Variants in AIG1 observed in about 807,000 individuals in gnomAD.
The protein encoded by AIG1 is androgen induced 1, also known as androgen-induced gene 1 protein.
AIG1 carries 23 observed loss-of-function variants against 31.4 expected under a neutral mutation model. The ratio of observed to expected loss-of-function variants is 0.73; its 90% CI spans 0.53 to 1.04. AIG1 has a LOEUF of 1.04. Among genes scored for constraint, AIG1 ranks in the 50% least tolerant of loss-of-function variants. The probability of loss-of-function intolerance (pLI) is 0.00; values close to 1 mark genes in which losing one functional copy is unlikely to be tolerated. For synonymous variants in AIG1, 100 were observed against 110.5 expected, an observed-to-expected ratio of 0.90 and a Z score of 0.60; for missense variants, 274 against 295.0, an observed-to-expected ratio of 0.93 and a Z score of 0.52.
At chr6:143,245,124 A>T (rs1470820519) in intron 3 of AIG1, among the ~76,000 whole-genome samples, 1 of 152,258 alleles carries the variant, frequency 6.6e-6, no homozygotes, top group Non-Finnish European at 1.5e-5. Context: ...GGGTTTATTC[A>T]GTAAAACATT....
chr6:143,317,383 A>G (rs1775843756), intron 4 of AIG1, among the ~76,000 whole-genome samples: 2 of 152,180 alleles, frequency 1.3e-5, no homozygotes, highest in South Asian at 4.1e-4. Context: ...TACCCCACAT[A>G]AACAGAATTA....
At chr6:143,103,659 C>T (rs1165132989) in intron 1 of AIG1, among the ~76,000 whole-genome samples, 2 of 151,432 alleles carry the variant, frequency 1.3e-5, no homozygotes, top group African/African-American at 4.8e-5. Flanking sequence ...AGGCGCCCGC[C>T]ACTACGCCCG....
chr6:143,170,457 T>C (rs1221847338), intron 3 of AIG1, among the ~76,000 whole-genome samples: 3 of 152,090 alleles, frequency 2.0e-5, no homozygotes, highest in African/African-American at 7.2e-5. Context: ...GTACCCCTCC[T>C]GATCCTTCGT....
intron 3 of AIG1, among the ~76,000 whole-genome samples, chr6:143,193,163 G>A (rs1304017737): frequency 1.3e-5 from 2 of 152,208 alleles, no homozygotes; most frequent in African/African-American, 4.8e-5. Context: ...CAATATGAGT[G>A]TATCCATGCA....
chr6:143,068,401 T>C (rs1460910121), intron 1 of AIG1, among the ~76,000 whole-genome samples: 1 of 152,160 alleles, frequency 6.6e-6, no homozygotes, highest in Non-Finnish European at 1.5e-5. Flanking sequence ...AAAGGGCCCA[T>C]GCCTCACCTG....
intron 4 of AIG1, among the ~76,000 whole-genome samples, chr6:143,318,160 A>G (rs757683068): frequency 1.3e-5 from 2 of 152,128 alleles, no homozygotes; most frequent in Non-Finnish European, 2.9e-5. Context: ...TAAAATTCAT[A>G]TGAAACCAAA....
intron 1 of AIG1, among the ~76,000 whole-genome samples, chr6:143,087,951 G>A (rs1395968896): frequency 2.0e-5 from 3 of 152,190 alleles, no homozygotes; most frequent in Admixed American, 6.5e-5. Flanking sequence ...ATAAATATAA[G>A]TGACTAGCTG....
rs1240305689 is a variant in AIG1, at chr6:143,280,305, C to A, written c.400-3805C>A. On this transcript the variant is annotated intron_variant, in intron 3 of 5. Transcript: ENST00000357847. This position sits in a 1 kb window ranked among gnomAD's most constrained non-coding sequence, Gnocchi z 4.1. The stretch of plus-strand genomic sequence containing the variant: ...GTGTAATTCAACCCATTGTTGAAGG[C>A]AATATGACGATTCCTCAAAGAGCTA... Among the ~76,000 whole-genome samples the A allele has an allele frequency of 6.6e-6, 1 of 152,122 alleles. No homozygotes were observed. Among genetic ancestry groups the A allele is most frequent in the Non-Finnish European group, 1.5e-5 (1 of 68,026 alleles).
chr6:143,304,847 T>A (rs905058953), intron 4 of AIG1, among the ~76,000 whole-genome samples: 3 of 152,180 alleles, frequency 2.0e-5, no homozygotes, highest in African/African-American at 7.2e-5. Context: ...CTGTGAATCC[T>A]TCTGGTCCTG....
At position 143,330,901 on chromosome 6, in the gene AIG1, A is replaced by G. The variant is rs1777021581; in HGVS notation, c.516-2381A>G. Among the ~76,000 whole-genome samples, 1 of 152,222 alleles carries G rather than the reference A, an allele frequency of 6.6e-6. No homozygotes were observed. Among genetic ancestry groups the G allele is most frequent in the Admixed American group, 6.5e-5 (1 of 15,288 alleles). On this transcript the variant is annotated intron_variant, in intron 4 of 5. Coordinates refer to ENST00000357847, the MANE Select transcript of AIG1 (RefSeq NM_016108.4). The surrounding 1 kb of genome is among the most constrained non-coding windows in gnomAD (Gnocchi z 4.4). ...TTCTAATTTATGGACAAACAATATG[A>G]TATCTCAGAATCCCACAGGGTAGTT...
chr6:143,196,860 A>G (rs1342652903), intron 3 of AIG1, among the ~76,000 whole-genome samples: 1 of 152,222 alleles, frequency 6.6e-6, no homozygotes, highest in African/African-American at 2.4e-5. Flanking sequence ...AAAACTCTTC[A>G]GGAGCATAAA....
chr6:143,301,751 G>A (rs918089500), intron 4 of AIG1, among the ~76,000 whole-genome samples: 5 of 152,144 alleles, frequency 3.3e-5, no homozygotes, highest in Admixed American at 3.3e-4. Flanking sequence ...CTTGACAAGT[G>A]GGGATTATTA....
chr6:143,234,538 T>C (rs1793674495), intron 3 of AIG1, among the ~76,000 whole-genome samples: 1 of 152,176 alleles, frequency 6.6e-6, no homozygotes, highest in South Asian at 2.1e-4. Flanking sequence ...GATTGAGAGC[T>C]GACTAGGAAT....
At position 143,292,995 on chromosome 6, in the gene AIG1, C is replaced by T. The variant is rs574226794; in HGVS notation, c.515+8770C>T. Among the ~76,000 whole-genome samples the T allele has an allele frequency of 1.3e-5, 2 of 152,302 alleles. No homozygotes were observed. The highest frequency in any genetic ancestry group is 1.9e-4 in the East Asian group (1 of 5,188). On this transcript the variant is annotated intron_variant, in intron 4 of 5. Transcript: ENST00000357847. The surrounding 1 kb of genome is among the most constrained non-coding windows in gnomAD (Gnocchi z 4.9). ...CTCCTTGTTTAGTTCCCGTCTTCCT[C>T]GGGTCTTTGAGCAAATTACTTATCC... is the stretch of plus-strand genomic sequence containing the variant.
At chr6:143,209,398 G>A (rs1458585776) in intron 3 of AIG1, among the ~76,000 whole-genome samples, 3 of 152,186 alleles carry the variant, frequency 2.0e-5, no homozygotes, top group Non-Finnish European at 2.9e-5. Flanking sequence ...TTGCTAATGA[G>A]CTAACTTTAA....
chr6:143,178,977 C>T (rs892130461), intron 3 of AIG1, among the ~76,000 whole-genome samples: 7 of 152,058 alleles, frequency 4.6e-5, no homozygotes, highest in Non-Finnish European at 4.4e-5. Flanking sequence ...CCACATAGGG[C>T]CCATATAGGA....
chr6:143,136,728 G>T, intron 1 of AIG1, 107 bp from the exon 2 acceptor site: 2 of 1,072,166 alleles, frequency 1.9e-6, no homozygotes, highest in Middle Eastern at 3.0e-4. Flanking sequence ...ATATGCTTCT[G>T]ATCCTTTCTT....
intron 3 of AIG1, among the ~76,000 whole-genome samples, chr6:143,182,053 CT>C (rs1788778274): frequency 6.6e-6 from 1 of 151,888 alleles, no homozygotes; most frequent in South Asian, 2.1e-4. Flanking sequence ...CAGAGTCTCA[CT>C]TTGTTGCACA....
At chr6:143,273,389 C>T (rs191648366) in intron 3 of AIG1, among the ~76,000 whole-genome samples, 348 of 152,280 alleles carry the variant, frequency 2.3e-3, no homozygotes, top group African/African-American at 5.8e-3. Flanking sequence ...TTTCCGTGCT[C>T]TTTAAGAAAA....
Sources: allele counts gnomAD v4.1 joint callset (sites outside exome capture counted in the v4.1 genomes callset), GRCh38; gene constraint gnomAD v4.1.1; non-coding constraint Gnocchi (gnomAD v3.1); transcripts MANE v1.5; gene names NCBI Gene and HGNC (gene_info 2026-07-23, HGNC 2026-07-21).